NF2: variants seen among roughly 807,000 people sequenced by gnomAD.
NF2 encodes NF2, moesin-ezrin-radixin like (MERLIN) tumor suppressor.
NF2 carries 8 observed loss-of-function variants against 83.7 expected under a neutral mutation model. The observed-to-expected ratio is 0.10, with a 90% CI of 0.06 to 0.17. NF2 has a LOEUF of 0.17. Among genes scored for constraint, NF2 ranks in the 10% least tolerant of loss-of-function variants. NF2 has a pLI of 1.00. For missense variants in NF2, 533 were observed against 744.4 expected, an observed-to-expected ratio of 0.72 and a Z score of 3.31; for synonymous variants, 266 against 269.6, an observed-to-expected ratio of 0.99 and a Z score of 0.13.
Position 29,626,679 on chromosome 22 carries a change from A to G in NF2, c.115-10072A>G, listed in dbSNP as rs558344867. On this transcript the variant is annotated intron_variant, in intron 1 of 15. Coordinates refer to ENST00000338641, the MANE Select transcript of NF2 (RefSeq NM_000268.4). ...GTTGTGCTGGAGCTTTTTTGAAGGA[A>G]TGCATTGTTACATACTAACCACAAT... Among the ~76,000 whole-genome samples the G allele has an allele frequency of 4.6e-5, 7 of 152,326 alleles. No homozygotes were observed. The South Asian group carries it at 1.2e-3, about 27-fold the overall frequency.
chr22:29,653,234 A>G (rs558110981), intron 4 of NF2, among the ~76,000 whole-genome samples: 2 of 152,266 alleles, frequency 1.3e-5, no homozygotes, highest in South Asian at 2.1e-4. Flanking sequence ...TCACAACATC[A>G]GAAGTCCGAG....
In NF2 at chr22:29,657,019, CT is replaced by C. The variant is rs200731612; in HGVS notation, c.600-1160del. Among the ~76,000 whole-genome samples, 1,053 of 148,556 alleles carry C rather than the reference CT, an allele frequency of 7.1e-3. 15 individuals carry two copies. The highest frequency in any genetic ancestry group is 0.024 in the African/African-American group (978 of 40,606). On this transcript the variant is annotated intron_variant, in intron 6 of 15. Coordinates refer to ENST00000338641, the MANE Select transcript of NF2 (RefSeq NM_000268.4). ...TCTTCTTCAAATCAGTTTCCTAACA[CT>C]TTTTTTTTTAAACTTAAGTGCAACA...
intron 15 of NF2, among the ~76,000 whole-genome samples, chr22:29,691,177 T>A (rs2067394315): frequency 6.6e-6 from 1 of 152,162 alleles, no homozygotes; most frequent in Non-Finnish European, 1.5e-5. Context: ...TGCGAGGAAT[T>A]CCCCGCCCTC....
intron 4 of NF2, among the ~76,000 whole-genome samples, chr22:29,647,164 T>C (rs559843517): frequency 6.6e-6 from 1 of 152,314 alleles, no homozygotes; most frequent in African/African-American, 2.4e-5. Context: ...TGTGTTCTTA[T>C]TGAAAATGAC....
At chr22:29,681,696 G>C (rs1340871491) in intron 15 of NF2, 95 bp downstream of exon 15, 1 of 1,468,846 alleles carries the variant, frequency 6.8e-7, no homozygotes, top group Admixed American at 1.7e-5. Context: ...CAAGTCACTA[G>C]ACTATTGGCA....
chr22:29,660,777 C>T (rs971948579), intron 7 of NF2, among the ~76,000 whole-genome samples: 8 of 152,160 alleles, frequency 5.3e-5, no homozygotes, highest in Admixed American at 4.6e-4. Context: ...CCATGCTGGC[C>T]AGGCTGGTCT....
intron 4 of NF2, 74 bp downstream of exon 4, chr22:29,642,359 T>C (rs959723704): frequency 3.7e-5 from 46 of 1,242,350 alleles, no homozygotes; most frequent in Non-Finnish European, 4.8e-5. Context: ...ATCTTCTCTT[T>C]CTTTGGGTTT....
At chr22:29,615,312 C>T (rs1026024256) in intron 1 of NF2, among the ~76,000 whole-genome samples, 1 of 152,222 alleles carries the variant, frequency 6.6e-6, no homozygotes, top group African/African-American at 2.4e-5. Flanking sequence ...GTGGGTCATA[C>T]ATGTAATTCC....
intron 1 of NF2, among the ~76,000 whole-genome samples, chr22:29,613,766 CT>C (rs113267526): frequency 1.4e-3 from 197 of 144,938 alleles, no homozygotes; most frequent in Non-Finnish European, 1.9e-3. Context: ...TTTCTTTTTT[CT>C]TTTTTTTTTT....
At chr22:29,655,784 T>A (rs2066287989) in intron 6 of NF2, 108 bp downstream of exon 6, 1 of 887,936 alleles carries the variant, frequency 1.1e-6, no homozygotes, top group Admixed American at 2.4e-5. Flanking sequence ...AATGCAGTAC[T>A]GAAGTCTATA....
rs1004300527 is a variant in NF2, at chr22:29,673,604, C to T, written c.1340+118C>T. Reference sequence around the variant, plus strand: ...CAAGCTGCTTGCCCATCTTCTGGGCCGTGGGGAGGCTCCTCCTTGGCTGAT... The same window carrying T: ...CAAGCTGCTTGCCCATCTTCTGGGCTGTGGGGAGGCTCCTCCTTGGCTGAT... On this transcript the variant is annotated intron_variant, in intron 12 of 15. Coordinates refer to ENST00000338641, the MANE Select transcript of NF2 (RefSeq NM_000268.4). The T allele has an allele frequency of 1.6e-5, 18 of 1,125,318 alleles. No homozygotes were observed. The African/African-American group carries it at 2.2e-4, about 13-fold the overall frequency. 69.7% of individuals were successfully genotyped at this position (1,125,318 alleles called of 1,614,324 possible).
intron 4 of NF2, among the ~76,000 whole-genome samples, chr22:29,647,918 A>C (rs2066026842): frequency 6.6e-6 from 1 of 152,068 alleles, no homozygotes; most frequent in East Asian, 1.9e-4. Flanking sequence ...TACATGTGCA[A>C]ATGCTTTTTC....
chr22:29,626,178 G>A (rs1002582067), intron 1 of NF2, among the ~76,000 whole-genome samples: 6 of 129,330 alleles, frequency 4.6e-5, no homozygotes, highest in African/African-American at 1.4e-4. Context: ...TTTTTGAGAT[G>A]GAGTCTAACT....
In NF2 at chr22:29,694,866, G is replaced by C; in HGVS notation, c.*64G>C. 6.6e-7 allele frequency: 1 copy of C among 1,525,098 alleles called. No individual in the cohort carries two copies. Among genetic ancestry groups the C allele is most frequent in the Non-Finnish European group, 9.0e-7 (1 of 1,111,930 alleles). The allele number at this position is 1,525,098 out of a possible 1,614,324, so 94.5% of individuals were successfully genotyped here. A position where few individuals can be genotyped will look rare whatever the true frequency, so the allele number is the denominator to read the frequency against. On this transcript the variant is annotated 3_prime_UTR_variant, in exon 16 of 16. Coordinates refer to ENST00000338641, the MANE Select transcript of NF2 (RefSeq NM_000268.4). The surrounding 1 kb of genome is among the most constrained non-coding windows in gnomAD (Gnocchi z 4.1). ...GCTACCGGGACCGCGGGATGGACCA[G>C]ATATCAAGAGAGCCATCCATAGGGA...
At chr22:29,632,506 G>A (rs1170629692) in intron 1 of NF2, among the ~76,000 whole-genome samples, 1 of 152,204 alleles carries the variant, frequency 6.6e-6, no homozygotes, top group African/African-American at 2.4e-5. Flanking sequence ...TGTGTGCGAT[G>A]AAGGAGGTGA....
chr22:29,608,355 T>C (rs556294076), intron 1 of NF2, among the ~76,000 whole-genome samples: 29 of 148,628 alleles, frequency 2.0e-4, no homozygotes, highest in African/African-American at 6.4e-4. Flanking sequence ...CTCGGCTCAC[T>C]GCAACCTCTG....
intron 15 of NF2, among the ~76,000 whole-genome samples, chr22:29,693,705 C>T (rs1048177572): frequency 2.6e-5 from 4 of 152,132 alleles, no homozygotes; most frequent in Admixed American, 2.0e-4. Context: ...GCCTCTCCCG[C>T]GAACCTCAGT....
intron 1 of NF2, among the ~76,000 whole-genome samples, chr22:29,607,639 C>T (rs1257643825): frequency 6.6e-6 from 1 of 152,024 alleles, no homozygotes; most frequent in African/African-American, 2.4e-5. Flanking sequence ...GAAAATATGA[C>T]ACATACACTG....
At chr22:29,668,910 T>G (rs2066704851) in intron 10 of NF2, among the ~76,000 whole-genome samples, 1 of 152,256 alleles carries the variant, frequency 6.6e-6, no homozygotes, top group African/African-American at 2.4e-5. Flanking sequence ...TCAGGCCTTA[T>G]GGCATGTCAC....
Sources: gnomAD v4.1 joint callset for allele counts (sites outside exome capture counted in the v4.1 genomes callset) on GRCh38, gnomAD v4.1.1 for gene constraint, Gnocchi (gnomAD v3.1) non-coding constraint, MANE v1.5 for transcripts, NCBI Gene and HGNC (gene_info 2026-07-23, HGNC 2026-07-21) for gene names.